Variants in SLIT3 observed in about 807,000 individuals in gnomAD.
SLIT3 encodes the protein slit homolog 3 protein.
Under a neutral mutation model 184.0 loss-of-function variants are expected in SLIT3, and 68 were observed. The ratio of observed to expected loss-of-function variants is 0.37; its 90% CI spans 0.30 to 0.45. The LOEUF (loss-of-function observed/expected upper bound fraction) is 0.45. Among genes scored for constraint, SLIT3 ranks in the 20% least tolerant of loss-of-function variants. The probability of loss-of-function intolerance (pLI) is 1.00; values close to 1 mark genes in which losing one functional copy is unlikely to be tolerated. For synonymous variants in SLIT3, 831 were observed against 828.6 expected, an observed-to-expected ratio of 1.00 and a Z score of -0.05; for missense variants, 1,707 against 2,026.0, an observed-to-expected ratio of 0.84 and a Z score of 3.02.
intron 35 of SLIT3, among the ~76,000 whole-genome samples, chr5:168,668,322 T>C (rs962305767): frequency 2.0e-5 from 3 of 152,020 alleles, no homozygotes; most frequent in African/African-American, 7.2e-5. Context: ...TCAAAAGGGC[T>C]GGGGTGGGGC....
chr5:168,917,386 C>A (rs1439565685), intron 4 of SLIT3, among the ~76,000 whole-genome samples: 1 of 152,210 alleles, frequency 6.6e-6, no homozygotes, highest in East Asian at 1.9e-4. Context: ...TGTGTTCTTG[C>A]CTACCTCTGA....
chr5:168,958,672 T>C (rs74510410), intron 4 of SLIT3, among the ~76,000 whole-genome samples: 1,621 of 152,328 alleles, frequency 0.011, 10 homozygotes, highest in Admixed American at 0.021. Context: ...TTCTTTGATA[T>C]AGATTGGGAA....
chr5:169,210,815 C>T (rs1410960062), intron 3 of SLIT3, among the ~76,000 whole-genome samples: 2 of 152,128 alleles, frequency 1.3e-5, no homozygotes, highest in South Asian at 2.1e-4. Flanking sequence ...CCAATTCTTC[C>T]GCACACTAGT....
intron 5 of SLIT3, among the ~76,000 whole-genome samples, chr5:168,862,131 G>C (rs1158685524): frequency 6.6e-6 from 1 of 152,074 alleles, no homozygotes; most frequent in African/African-American, 2.4e-5. Context: ...GGCTAACACT[G>C]GGTCAAAGGA....
chr5:169,246,570 A>T (rs1044669268), intron 2 of SLIT3, among the ~76,000 whole-genome samples: 1 of 152,236 alleles, frequency 6.6e-6, no homozygotes. Flanking sequence ...TTACGAGAAC[A>T]AAAATGGAAT....
intron 5 of SLIT3, among the ~76,000 whole-genome samples, chr5:168,860,316 A>G (rs1759055604): frequency 6.6e-6 from 1 of 152,192 alleles, no homozygotes; most frequent in South Asian, 2.1e-4. Flanking sequence ...TGAAAAAACT[A>G]AAACAATAAA....
At chr5:169,189,069 A>ATTTT (rs1763453214) in intron 4 of SLIT3, among the ~76,000 whole-genome samples, 1 of 152,142 alleles carries the variant, frequency 6.6e-6, no homozygotes, top group South Asian at 2.1e-4. Flanking sequence ...TGCAGACCAC[A>ATTTT]GCGATATAAG....
intron 1 of SLIT3, among the ~76,000 whole-genome samples, chr5:169,261,494 T>C (rs1435701114): frequency 6.6e-6 from 1 of 151,990 alleles, no homozygotes. Context: ...TCCCTCTCTC[T>C]CCTTTCCTTA....
chr5:169,237,855 A>G (rs913791111), intron 3 of SLIT3, among the ~76,000 whole-genome samples: 91 of 152,276 alleles, frequency 6.0e-4, no homozygotes, highest in Middle Eastern at 3.4e-3. Flanking sequence ...TTTTCTTTAT[A>G]GTTTTACATT....
chr5:168,720,024 C>T (rs921499087), intron 23 of SLIT3: 1 of 152,248 alleles, frequency 6.6e-6, no homozygotes, highest in African/African-American at 2.4e-5. Context: ...AATGATCCTC[C>T]CACCTCCGCC....
intron 4 of SLIT3, among the ~76,000 whole-genome samples, chr5:168,950,545 A>T (rs1312964699): frequency 2.6e-5 from 4 of 152,236 alleles, no homozygotes; most frequent in Admixed American, 1.3e-4. Flanking sequence ...AAAAGCAGCC[A>T]TTGATAGTAC....
At chr5:168,739,658 T>G (rs1763557238) in intron 20 of SLIT3, among the ~76,000 whole-genome samples, 2 of 152,172 alleles carry the variant, frequency 1.3e-5, no homozygotes, top group African/African-American at 4.8e-5. Flanking sequence ...TTCTCCATTT[T>G]GGTCAGGCTG....
At chr5:168,973,318 G>T (rs528908087) in intron 4 of SLIT3, among the ~76,000 whole-genome samples, 2 of 152,168 alleles carry the variant, frequency 1.3e-5, no homozygotes, top group Non-Finnish European at 2.9e-5. Flanking sequence ...TGCTATCTCG[G>T]CTCACTGCAA....
In SLIT3 at chr5:169,225,480, G is replaced by A. The variant is rs1460916071; in HGVS notation, c.341+19225C>T. On this transcript the variant is annotated intron_variant, in intron 3 of 35. Transcript: ENST00000519560. The stretch of plus-strand genomic sequence containing the variant: ...CCAAGTGTGGGTTCCGGCCAGGCAC[G>A]ATGCTAGGTACCAGTGATACTGTGC... 1.3e-5 allele frequency among the ~76,000 whole-genome samples: 2 copies of A among 152,330 alleles called. 1 individual carries two copies. The highest frequency in any genetic ancestry group is 3.9e-4 in the East Asian group (2 of 5,174).
At chr5:169,086,443 C>G (rs554543344) in intron 4 of SLIT3, among the ~76,000 whole-genome samples, 1 of 152,196 alleles carries the variant, frequency 6.6e-6, no homozygotes, top group Non-Finnish European at 1.5e-5. Context: ...ATTCCTTTAT[C>G]TGTTTCTAAT....
chr5:168,883,519 G>C (rs574701190), intron 4 of SLIT3, among the ~76,000 whole-genome samples, 183 bp from the exon 5 acceptor site: 12 of 152,234 alleles, frequency 7.9e-5, no homozygotes, highest in Non-Finnish European at 1.6e-4. Flanking sequence ...AGTGATGGCC[G>C]TTGCTGAAAT....
intron 4 of SLIT3, among the ~76,000 whole-genome samples, chr5:169,162,555 T>G (rs185619866): frequency 6.6e-6 from 1 of 152,268 alleles, no homozygotes; most frequent in African/African-American, 2.4e-5. Flanking sequence ...GCAAAGCATA[T>G]TCCCTAATTA....
intron 3 of SLIT3, among the ~76,000 whole-genome samples, chr5:169,233,680 T>G (rs147177891): frequency 5.9e-5 from 9 of 152,196 alleles, no homozygotes; most frequent in African/African-American, 1.9e-4. Context: ...TGTAGATTAT[T>G]TTATATTTTT....
At chr5:169,187,555 CTTTCTTTT>C (rs1174116845) in intron 4 of SLIT3, among the ~76,000 whole-genome samples, 1 of 89,048 alleles carries the variant, frequency 1.1e-5, no homozygotes, top group Non-Finnish European at 2.3e-5. Context: ...TTCTTTCTTT[CTTTCTTTT>C]TTTTTTTTTT....
Sources: gnomAD v4.1 joint callset for allele counts (sites outside exome capture counted in the v4.1 genomes callset) on GRCh38, gnomAD v4.1.1 for gene constraint, MANE v1.5 for transcripts, NCBI Gene and HGNC (gene_info 2026-07-23, HGNC 2026-07-21) for gene names.